NCOA3: variants seen among roughly 807,000 people sequenced by gnomAD.
NCOA3 encodes the protein CBP-interacting protein.
NCOA3 carries 51 observed loss-of-function variants against 158.8 expected under a neutral mutation model. The ratio of observed to expected loss-of-function variants is 0.32; its 90% CI spans 0.26 to 0.41. NCOA3 has a LOEUF of 0.41. Among genes scored for constraint, NCOA3 ranks in the 10% least tolerant of loss-of-function variants. The pLI, the probability that NCOA3 is intolerant of heterozygous loss-of-function variation, is 1.00. For missense variants in NCOA3, 1,510 were observed against 1,746.6 expected, an observed-to-expected ratio of 0.86 and a Z score of 2.41; for synonymous variants, 537 against 592.4, an observed-to-expected ratio of 0.91 and a Z score of 1.36.
At chr20:47,541,533 T>A (rs1166232951) in intron 1 of NCOA3, among the ~76,000 whole-genome samples, 1 of 142,614 alleles carries the variant, frequency 7.0e-6, no homozygotes, top group Non-Finnish European at 1.5e-5. Flanking sequence ...TGTGTGTCAC[T>A]GTGCCCGTTT....
At chr20:47,530,122 G>A (rs540191834) in intron 1 of NCOA3, among the ~76,000 whole-genome samples, 6 of 152,142 alleles carry the variant, frequency 3.9e-5, no homozygotes, top group African/African-American at 1.4e-4. Context: ...CACATCTAAG[G>A]TATTGTATGT....
chr20:47,558,059 CTTT>C (rs111574647), intron 1 of NCOA3, among the ~76,000 whole-genome samples: 6 of 135,118 alleles, frequency 4.4e-5, no homozygotes, highest in East Asian at 2.1e-4. Context: ...AAATTTCTTT[CTTT>C]TTTTTTTTTT....
intron 1 of NCOA3, among the ~76,000 whole-genome samples, chr20:47,546,444 G>A (rs1378650267): frequency 6.6e-6 from 1 of 151,494 alleles, no homozygotes; most frequent in African/African-American, 2.4e-5. Flanking sequence ...CTCTCTTCTA[G>A]ACTATGTAGA....
intron 1 of NCOA3, among the ~76,000 whole-genome samples, chr20:47,505,125 G>A (rs1280236376): frequency 7.2e-6 from 1 of 138,946 alleles, no homozygotes; most frequent in Non-Finnish European, 1.6e-5. Context: ...GCAGCGGCGC[G>A]ATCTTGGCTC....
intron 1 of NCOA3, among the ~76,000 whole-genome samples, chr20:47,579,436 C>T (rs1229840097): frequency 6.6e-6 from 1 of 152,122 alleles, no homozygotes; most frequent in Admixed American, 6.6e-5. Flanking sequence ...TGATGAAAAT[C>T]TGAATTGTGA....
At chr20:47,598,849 G>T (rs1419217105) in intron 2 of NCOA3, among the ~76,000 whole-genome samples, 1 of 152,198 alleles carries the variant, frequency 6.6e-6, no homozygotes. Flanking sequence ...CAGTCATGTA[G>T]CATATAACAA....
intron 1 of NCOA3, among the ~76,000 whole-genome samples, chr20:47,548,311 G>A (rs1040402642): frequency 5.9e-5 from 9 of 151,982 alleles, no homozygotes; most frequent in Non-Finnish European, 1.0e-4. Context: ...GGGAGGTTGA[G>A]GCAGGCAGAT....
chr20:47,653,228 G>A (rs1167454590), intron 22 of NCOA3, among the ~76,000 whole-genome samples, 156 bp downstream of exon 22: 1 of 152,148 alleles, frequency 6.6e-6, no homozygotes, highest in East Asian at 1.9e-4. Context: ...AAGGCATTGG[G>A]CCATTAGATA....
chr20:47,555,152 C>A (rs550863589), intron 1 of NCOA3, among the ~76,000 whole-genome samples: 2 of 152,312 alleles, frequency 1.3e-5, no homozygotes, highest in South Asian at 4.1e-4. Flanking sequence ...GAATGCAAAG[C>A]TCTATAGATA....
At chr20:47,523,910 C>T (rs1181130530) in intron 1 of NCOA3, among the ~76,000 whole-genome samples, 1 of 152,192 alleles carries the variant, frequency 6.6e-6, no homozygotes, top group East Asian at 1.9e-4. Context: ...ACAGCAATTC[C>T]CACAAGTGTG....
Position 47,637,790 on chromosome 20 carries a change from A to G in NCOA3, c.2512+7A>G, listed in dbSNP as rs911835149. 1.4e-5 allele frequency: 22 copies of G among 1,582,612 alleles called. No individual in the cohort carries two copies. In the East Asian group the frequency reaches 4.9e-4, roughly 36 times the overall value. Reference sequence around the variant, plus strand: ...CAAGGAACTAATTCTCTGGGTAAGAATGAACTAGGTTTTTTTTTTTTTTGC... The same window carrying G: ...CAAGGAACTAATTCTCTGGGTAAGAGTGAACTAGGTTTTTTTTTTTTTTGC... On this transcript the variant is annotated splice_region_variant and intron_variant, in intron 13 of 22. Coordinates refer to ENST00000371998, the MANE Select transcript of NCOA3 (RefSeq NM_181659.3).
chr20:47,519,418 C>T (rs1014958293), intron 1 of NCOA3, among the ~76,000 whole-genome samples: 5 of 148,654 alleles, frequency 3.4e-5, no homozygotes, highest in Non-Finnish European at 5.9e-5. Context: ...GGTGACAGAG[C>T]GAGACTCCAT....
rs1215151291 is a variant in NCOA3, at chr20:47,636,112, G to A, written c.1726G>A (p.Asp576Asn). ...DSKSPLGFYC[D>N]QNPVESSMCQ... ...CAAGAGTCCTCTGGGCTTTTATTGCGACCAAAATCCAGTGGAGAGTTCAAT... is the reference window on the plus strand; with the variant it reads ...CAAGAGTCCTCTGGGCTTTTATTGCAACCAAAATCCAGTGGAGAGTTCAAT... Residue 576 changes from aspartate (D) to asparagine (N), a missense_variant, in exon 12 of 23, where the codon GAC becomes AAC. Transcript: ENST00000371998. 7 of 1,614,060 alleles carry A rather than the reference G, an allele frequency of 4.3e-6. No individual in the cohort carries two copies. The highest frequency in any genetic ancestry group is 2.2e-5 in the South Asian group (2 of 91,056).
At chr20:47,574,240 C>T (rs2146206875) in intron 1 of NCOA3, among the ~76,000 whole-genome samples, 1 of 152,228 alleles carries the variant, frequency 6.6e-6, no homozygotes, top group South Asian at 2.1e-4. Context: ...GTATAACCCC[C>T]ATTTGGTGCA....
intron 1 of NCOA3, among the ~76,000 whole-genome samples, chr20:47,522,352 T>G (rs2084354713): frequency 6.6e-6 from 1 of 151,356 alleles, no homozygotes; most frequent in Non-Finnish European, 1.5e-5. Context: ...TCTGCCCGCG[T>G]CGGCAAAGTG....
At chr20:47,519,797 G>A (rs1046132510) in intron 1 of NCOA3, among the ~76,000 whole-genome samples, 2 of 151,888 alleles carry the variant, frequency 1.3e-5, no homozygotes, top group Non-Finnish European at 2.9e-5. Context: ...GAGTCTCGCT[G>A]TGTTGCTCAA....
intron 1 of NCOA3, among the ~76,000 whole-genome samples, chr20:47,582,760 T>C (rs2085473641): frequency 6.6e-6 from 1 of 152,314 alleles, no homozygotes; most frequent in East Asian, 1.9e-4. Context: ...TTGATAGCTT[T>C]TGTTTGTTTC....
chr20:47,521,832 ATTC>A (rs1358670120), intron 1 of NCOA3, among the ~76,000 whole-genome samples: 1 of 152,210 alleles, frequency 6.6e-6, no homozygotes, highest in African/African-American at 2.4e-5. Flanking sequence ...AGATAGAGTA[ATTC>A]TTCTAACTTT....
At position 47,654,764 on chromosome 20, in the gene NCOA3, A is replaced by G. The variant is rs978108178; in HGVS notation, c.*1347A>G. ...ATAGATATGGGGAAATAAACTTAAA[A>G]AAAAATCAGGAATTTAAAAAAACGA... On this transcript the variant is annotated 3_prime_UTR_variant, in exon 23 of 23. Transcript: ENST00000371998. 1 of 152,254 alleles carries G rather than the reference A, an allele frequency of 6.6e-6. No homozygotes were observed. Among genetic ancestry groups the G allele is most frequent in the Non-Finnish European group, 1.5e-5 (1 of 68,040 alleles). The allele number at this position is 152,254 out of a possible 1,614,324, so 9.4% of individuals were successfully genotyped here. A position where few individuals can be genotyped will look rare whatever the true frequency, so the allele number is the denominator to read the frequency against.
Sources: allele counts gnomAD v4.1 joint callset (sites outside exome capture counted in the v4.1 genomes callset), GRCh38; gene constraint gnomAD v4.1.1; transcripts MANE v1.5; gene names NCBI Gene and HGNC (gene_info 2026-07-23, HGNC 2026-07-21).